DDX3Y: variants seen among roughly 807,000 people sequenced by gnomAD.
DDX3Y encodes the protein ATP-dependent RNA helicase DDX3Y.
A neutral mutation model predicts 15.1 loss-of-function variants in DDX3Y; 2 were observed. The observed-to-expected ratio is 0.13, with a 90% confidence interval of 0.05 to 0.42. The LOEUF (loss-of-function observed/expected upper bound fraction) is 0.42. Among genes scored for constraint, DDX3Y ranks in the 10% least tolerant of loss-of-function variants. DDX3Y has a pLI of 0.99. For synonymous variants in DDX3Y, 47 were observed against 45.0 expected, an observed-to-expected ratio of 1.04 and a Z score of -0.18; for missense variants, 81 against 149.9, an observed-to-expected ratio of 0.54 and a Z score of 2.40.
intron 12 of DDX3Y, 32 bp downstream of exon 12, chrY:12,916,059 A>G: frequency 2.6e-6 from 1 of 380,349 alleles, no homozygotes; most frequent in Non-Finnish European, 3.7e-6. Context: ...TGTCAGTTAC[A>G]TGTAAAGATA....
At chrY:12,906,457 C>T in intron 1 of DDX3Y, among the ~76,000 whole-genome samples, 1 of 33,614 alleles carries the variant, frequency 3.0e-5, no homozygotes, top group Admixed American at 2.7e-4. Flanking sequence ...CTGGGCAATA[C>T]GCATTTATGT....
upstream of DDX3Y, chrY:12,904,096 G>A: frequency 2.9e-5 from 1 of 34,054 alleles, no homozygotes; most frequent in Non-Finnish European, 7.3e-5. Flanking sequence ...CAGGCACACC[G>A]GTAGAAAAAC....
chrY:12,909,366 G>T lies in DDX3Y; in HGVS notation c.110G>T (p.Arg37Leu). ...SGGASTASKG[R>L]YIPPHLRNRE... The stretch of plus-strand genomic sequence containing the variant: ...TTTACATTTTCTCTTTTAGAAGGGC[G>T]CTATATACCTCCTCACTTAAGGAAC... Residue 37 changes from arginine to leucine, a missense_variant, in exon 3 of 17, where the codon CGC becomes CTC. Physicochemically the swap from Arg to Leu is moderately radical, Grantham distance 102. Transcript: ENST00000336079. 1 of 394,386 alleles carries T rather than the reference G, an allele frequency of 2.5e-6. No individual in the cohort carries two copies. Among genetic ancestry groups the T allele is most frequent in the Non-Finnish European group, 3.6e-6 (1 of 280,903 alleles).
In DDX3Y at chrY:12,920,164, T is replaced by G. The variant is rs2053662518; in HGVS notation, c.*2042T>G. The G allele has an allele frequency of 3.0e-5, 1 of 33,871 alleles. No homozygotes were observed. The allele number at this position is 33,871 out of a possible 400,897, so 8.4% of individuals were successfully genotyped here. A position where few individuals can be genotyped will look rare whatever the true frequency, so the allele number is the denominator to read the frequency against. On this transcript the variant is annotated 3_prime_UTR_variant, in exon 17 of 17. Coordinates refer to ENST00000336079, the MANE Select transcript of DDX3Y (RefSeq NM_004660.5). ...TCTTAAGATATTAATGAAACACTTC[T>G]GAACACTGATAGGAAGTGTCCACAT...
At chrY:12,912,631 T>TAAA (rs2053632131) in intron 4 of DDX3Y, 96 bp from the exon 5 acceptor site, 1 of 302,457 alleles carries the variant, frequency 3.3e-6, no homozygotes, top group African/African-American at 7.1e-5. Context: ...AGGGTGGTTG[T>TAAA]GTTCAGTAAT....
intron 1 of DDX3Y, chrY:12,905,862 T>C (rs2053610079): frequency 8.7e-6 from 2 of 228,834 alleles, no homozygotes; most frequent in Admixed American, 1.1e-4. Flanking sequence ...ATTCAGTCAC[T>C]GGACAGCCGC....
In DDX3Y at chrY:12,916,654, A is replaced by AT. The variant is rs759511268; in HGVS notation, c.1609+29dup. ...ACCTGGGTAAGGGGTTTGTTAGTTC[A>AT]TTTTTTTTTAATTGTGATGCATACA... On this transcript the variant is annotated intron_variant, in intron 14 of 16. Coordinates refer to ENST00000336079, the MANE Select transcript of DDX3Y (RefSeq NM_004660.5). The AT allele has an allele frequency of 7.5e-5, 25 of 334,743 alleles. No homozygotes were observed. The Admixed American group carries it at 8.9e-4, about 12-fold the overall frequency. The allele number at this position is 334,743 out of a possible 400,897, so 83.5% of individuals were successfully genotyped here. A position where few individuals can be genotyped will look rare whatever the true frequency, so the allele number is the denominator to read the frequency against.
chrY:12,907,359 A>G (rs2053614987), intron 1 of DDX3Y, among the ~76,000 whole-genome samples, 178 bp from the exon 2 acceptor site: 1 of 33,955 alleles, frequency 2.9e-5, no homozygotes, highest in Non-Finnish European at 7.3e-5. Flanking sequence ...AGCTGATGCC[A>G]TTTGCATTTG....
At chrY:12,912,652 C>G in intron 4 of DDX3Y, 75 bp from the exon 5 acceptor site, 1 of 357,794 alleles carries the variant, frequency 2.8e-6, no homozygotes, top group Non-Finnish European at 4.1e-6. Flanking sequence ...TCAACTGATA[C>G]CCAAGTACGT....
chrY:12,912,721 A>G lies in DDX3Y; in HGVS notation c.282-6A>G, dbSNP rs2053632636. The G allele has an allele frequency of 2.5e-6, 1 of 395,845 alleles. No homozygotes were observed. Among genetic ancestry groups the G allele is most frequent in the East Asian group, 9.3e-5 (1 of 10,729 alleles). ...TCGTGTACTTCTGATTGCTTGTGCT[A>G]TTCAGATTTGATGATCGTGGACGGA... On this transcript the variant is annotated splice_region_variant and splice_polypyrimidine_tract_variant and intron_variant, in intron 4 of 16. Coordinates refer to ENST00000336079, the MANE Select transcript of DDX3Y (RefSeq NM_004660.5).
intron 16 of DDX3Y, among the ~76,000 whole-genome samples, chrY:12,917,781 C>T: frequency 3.3e-5 from 1 of 30,546 alleles, no homozygotes; most frequent in Non-Finnish European, 7.8e-5. Context: ...CCAGGCTGGT[C>T]TCTACCTCCT....
Position 12,918,203 on chromosome Y carries a change from C to T in DDX3Y, c.*81C>T. The T allele has an allele frequency of 5.9e-6, 1 of 169,929 alleles. No individual in the cohort carries two copies. The highest frequency in any genetic ancestry group is 1.0e-5 in the Non-Finnish European group (1 of 100,001). 42.4% of individuals were successfully genotyped at this position (169,929 alleles called of 400,897 possible). Reference sequence around the variant, plus strand: ...AACTTAGCCAGACTATATTGTGTAGCTTCAAGAACTTGCAGTACATTACCA... The same window carrying T: ...AACTTAGCCAGACTATATTGTGTAGTTTCAAGAACTTGCAGTACATTACCA... On this transcript the variant is annotated 3_prime_UTR_variant, in exon 17 of 17. Coordinates refer to ENST00000336079, the MANE Select transcript of DDX3Y (RefSeq NM_004660.5).
rs752583558 is a variant in DDX3Y at position 12,917,554 on chromosome Y, T to C, written c.1903+12T>C. On this transcript the variant is annotated intron_variant, in intron 16 of 16. Transcript: ENST00000336079. ...AGGATTTGGTGGAGGTAATGTTAATTTTTCTTTTAGGAAGGGCTTTTTGTT... is the reference window on the plus strand; with the variant it reads ...AGGATTTGGTGGAGGTAATGTTAATCTTTCTTTTAGGAAGGGCTTTTTGTT... 1 of 383,652 alleles carries C rather than the reference T, an allele frequency of 2.6e-6. No individual in the cohort carries two copies. The highest frequency in any genetic ancestry group is 3.3e-5 in the South Asian group (1 of 30,648).
At chrY:12,917,103 G>A (rs1301556766) in intron 15 of DDX3Y, 43 bp downstream of exon 15, 1 of 362,748 alleles carries the variant, frequency 2.8e-6, no homozygotes, top group Non-Finnish European at 3.9e-6. Flanking sequence ...TTGCTTACTA[G>A]GGGCAAGAAG....
intron 16 of DDX3Y, 46 bp downstream of exon 16, chrY:12,917,588 T>C: frequency 1.8e-5 from 6 of 333,806 alleles, no homozygotes; most frequent in Non-Finnish European, 2.4e-5. Flanking sequence ...TTTTTCTTTT[T>C]TTTTTTTTTT....
rs769306817 is a variant in DDX3Y, at chrY:12,915,622, C to T, written c.1020-8C>T. 2.0e-5 allele frequency: 8 copies of T among 395,868 alleles called. No individual in the cohort carries two copies. The highest frequency in any genetic ancestry group is 2.8e-5 in the Non-Finnish European group (8 of 281,085). ...TAATCCAGTATCAACTGAGGGTTTT[C>T]GTAATAGGTACTTAGTGTTGGATGA... is the stretch of plus-strand genomic sequence containing the variant. On this transcript the variant is annotated splice_region_variant and splice_polypyrimidine_tract_variant and intron_variant, in intron 10 of 16. Coordinates refer to ENST00000336079, the MANE Select transcript of DDX3Y (RefSeq NM_004660.5).
chrY:12,918,886 G>C lies in DDX3Y; in HGVS notation c.*764G>C. On this transcript the variant is annotated 3_prime_UTR_variant, in exon 17 of 17. Coordinates refer to ENST00000336079, the MANE Select transcript of DDX3Y (RefSeq NM_004660.5). The stretch of plus-strand genomic sequence containing the variant: ...ACAGCAATTTCTCATGTAATGTTTA[G>C]GGAGTTTATTCTAACCTAGGCAAAC... 1 of 33,202 alleles carries C rather than the reference G, an allele frequency of 3.0e-5. No individual in the cohort carries two copies. The highest frequency in any genetic ancestry group is 1.2e-4 in the African/African-American group (1 of 8,453). The allele number at this position is 33,202 out of a possible 400,897, so 8.3% of individuals were successfully genotyped here. A position where few individuals can be genotyped will look rare whatever the true frequency, so the allele number is the denominator to read the frequency against.
intron 1 of DDX3Y, among the ~76,000 whole-genome samples, chrY:12,906,470 T>A: frequency 3.0e-5 from 1 of 33,864 alleles, no homozygotes; most frequent in Non-Finnish European, 7.3e-5. Flanking sequence ...ATTTATGTTT[T>A]CTATGTAATT....
chrY:12,916,830 T>A, intron 14 of DDX3Y, 77 bp from the exon 15 acceptor site: 1 of 263,229 alleles, frequency 3.8e-6, no homozygotes, highest in South Asian at 4.2e-5. Context: ...GTTTCTTTCT[T>A]ACTATATTTT....
Sources: gnomAD v4.1 joint callset for allele counts (sites outside exome capture counted in the v4.1 genomes callset) on GRCh38, gnomAD v4.1.1 for gene constraint, MANE v1.5 for transcripts, NCBI Gene and HGNC (gene_info 2026-07-23, HGNC 2026-07-21) for gene names.